Variants in TNFAIP2 observed in about 807,000 individuals in gnomAD.
The protein encoded by TNFAIP2 is tumor necrosis factor alpha-induced protein 2.
Under a neutral mutation model 63.5 loss-of-function variants are expected in TNFAIP2, and 47 were observed. That is an observed-to-expected ratio of 0.74 (90% confidence interval 0.59 to 0.94). The LOEUF (loss-of-function observed/expected upper bound fraction) is 0.94, where lower values mean the gene tolerates loss of function less well. TNFAIP2 is among the 40% of genes least tolerant of loss of function. The pLI, the probability that TNFAIP2 is intolerant of heterozygous loss-of-function variation, is 0.00. For missense variants in TNFAIP2, 787 were observed against 850.2 expected, an observed-to-expected ratio of 0.93 and a Z score of 0.92; for synonymous variants, 405 against 390.2, an observed-to-expected ratio of 1.04 and a Z score of -0.45.
rs11358000 is a variant in TNFAIP2, at chr14:103,136,520, CTTTTT to C, written c.*1174_*1178del. On this transcript the variant is annotated 3_prime_UTR_variant, in exon 12 of 12. Coordinates refer to ENST00000560869, the MANE Select transcript of TNFAIP2 (RefSeq NM_006291.4). The stretch of plus-strand genomic sequence containing the variant: ...TCCCCTCTCCTGCCTCCCTCCACCA[CTTTTT>C]TTTTTTTTTTTTTGAGACAGGGTCT... The C allele has an allele frequency of 2.5e-5, 3 of 120,912 alleles. No homozygotes were observed. The highest frequency in any genetic ancestry group is 3.5e-5 in the Non-Finnish European group (2 of 57,246). The allele number at this position is 120,912 out of a possible 1,614,324, so 7.5% of individuals were successfully genotyped here. A position where few individuals can be genotyped will look rare whatever the true frequency, so the allele number is the denominator to read the frequency against.
At position 103,131,799 on chromosome 14, in the gene TNFAIP2, G is replaced by T. The variant is rs756920684; in HGVS notation, c.1422+37G>T. The T allele has an allele frequency of 1.3e-6, 2 of 1,593,056 alleles. No individual in the cohort carries two copies. Among genetic ancestry groups the T allele is most frequent in the East Asian group, 4.5e-5 (2 of 44,374 alleles). Reference sequence around the variant, plus strand: ...CTCTTGCCCTCAGGAGCCCAGTGTTGGGGGGTTCCCAGGGAGGGACTGGGA... The same window carrying T: ...CTCTTGCCCTCAGGAGCCCAGTGTTTGGGGGTTCCCAGGGAGGGACTGGGA... On this transcript the variant is annotated intron_variant, in intron 8 of 11. Coordinates refer to ENST00000560869, the MANE Select transcript of TNFAIP2 (RefSeq NM_006291.4). This position sits in a 1 kb window ranked among gnomAD's most constrained non-coding sequence, Gnocchi z 4.0.
In TNFAIP2 at chr14:103,136,078, C is replaced by T. The variant is rs1595291177; in HGVS notation, c.*718C>T. ...GGGCTTGGTGTCTACTACCGAAGGG[C>T]CCAAGACCTCCTGGGTCCTCTCAGG... On this transcript the variant is annotated 3_prime_UTR_variant, in exon 12 of 12. Coordinates refer to ENST00000560869, the MANE Select transcript of TNFAIP2 (RefSeq NM_006291.4). 1 of 1,178,744 alleles carries T rather than the reference C, an allele frequency of 8.5e-7. No individual in the cohort carries two copies. The highest frequency in any genetic ancestry group is 5.8e-5 in the East Asian group (1 of 17,170). The allele number at this position is 1,178,744 out of a possible 1,614,324, so 73.0% of individuals were successfully genotyped here.
chr14:103,134,369 A>G (rs1363305237), intron 11 of TNFAIP2, among the ~76,000 whole-genome samples: 3 of 152,076 alleles, frequency 2.0e-5, no homozygotes, highest in Admixed American at 2.0e-4. Context: ...CACCCACCAT[A>G]CAAGCACCCA....
chr14:103,133,237 C>T, intron 9 of TNFAIP2, 125 bp from the exon 10 acceptor site: 1 of 1,234,728 alleles, frequency 8.1e-7, no homozygotes, highest in Non-Finnish European at 1.1e-6. Flanking sequence ...GACGCACGAG[C>T]ACGTGTGCAG....
rs537776435 is a variant in TNFAIP2, at chr14:103,127,821, G to T, written c.860+192G>T. On this transcript the variant is annotated intron_variant, in intron 3 of 11. Transcript: ENST00000560869. This position sits in a 1 kb window ranked among gnomAD's most constrained non-coding sequence, Gnocchi z 5.1. ...CCTGGACAGGCAGAGACTGGGCCTG[G>T]ACACAGGGATAAGGCTGGGGCTGGG... Among the ~76,000 whole-genome samples, 3 of 152,220 alleles carry T rather than the reference G, an allele frequency of 2.0e-5. No homozygotes were observed. The highest frequency in any genetic ancestry group is 4.4e-5 in the Non-Finnish European group (3 of 68,030).
At position 103,135,716 on chromosome 14, in the gene TNFAIP2, G is replaced by A. The variant is rs987372888; in HGVS notation, c.*356G>A. ...CTCTGTCCAGAGCCCCTCCACAGTC[G>A]GCCTCATGACTGTCCTCCTCGTGGG... is the stretch of plus-strand genomic sequence containing the variant. On this transcript the variant is annotated 3_prime_UTR_variant, in exon 12 of 12. Transcript: ENST00000560869. This position sits in a 1 kb window ranked among gnomAD's most constrained non-coding sequence, Gnocchi z 7.6. 17 of 1,245,814 alleles carry A rather than the reference G, an allele frequency of 1.4e-5. No individual in the cohort carries two copies. Among genetic ancestry groups the A allele is most frequent in the African/African-American group, 1.5e-5 (1 of 64,686 alleles). The allele number at this position is 1,245,814 out of a possible 1,614,324, so 77.2% of individuals were successfully genotyped here.
rs1315315015 is a variant in TNFAIP2, at chr14:103,126,305, C to T, written c.-148-5C>T. 12 of 617,714 alleles carry T rather than the reference C, an allele frequency of 1.9e-5. No homozygotes were observed. In the East Asian group the frequency reaches 2.0e-4, roughly 10 times the overall value. The allele number at this position is 617,714 out of a possible 1,614,324, so 38.3% of individuals were successfully genotyped here. Reference sequence around the variant, plus strand: ...ACCACTGATGCCTTCACCCCCACCCCGCAGGAGCCTGCAGGCCTGAACCAG... The same window carrying T: ...ACCACTGATGCCTTCACCCCCACCCTGCAGGAGCCTGCAGGCCTGAACCAG... On this transcript the variant is annotated splice_region_variant and splice_polypyrimidine_tract_variant and intron_variant, in intron 1 of 11. Coordinates refer to ENST00000560869, the MANE Select transcript of TNFAIP2 (RefSeq NM_006291.4).
intron 2 of TNFAIP2, 66 bp from the exon 3 acceptor site, chr14:103,126,939 G>T: frequency 3.8e-6 from 5 of 1,318,286 alleles, no homozygotes; most frequent in Non-Finnish European, 4.8e-6. Context: ...GTCCCGCTTG[G>T]CGCTGGCCGC....
chr14:103,135,096 G>A lies in TNFAIP2; in HGVS notation c.1824-123G>A. The A allele has an allele frequency of 8.2e-7, 1 of 1,223,908 alleles. No individual in the cohort carries two copies. The highest frequency in any genetic ancestry group is 1.5e-5 in the African/African-American group (1 of 67,510). The allele number at this position is 1,223,908 out of a possible 1,614,324, so 75.8% of individuals were successfully genotyped here. On this transcript the variant is annotated intron_variant, in intron 11 of 11. Transcript: ENST00000560869. The surrounding 1 kb of genome is among the most constrained non-coding windows in gnomAD (Gnocchi z 7.6). Reference sequence around the variant, plus strand: ...GAGGGCATGGGTGAGGGAGAGTGAAGTGCAGCCCCCTCGTGGGCCGGGCGT... The same window carrying A: ...GAGGGCATGGGTGAGGGAGAGTGAAATGCAGCCCCCTCGTGGGCCGGGCGT...
At chr14:103,122,079 C>T (rs926126329), upstream of TNFAIP2, among the ~76,000 whole-genome samples, 2 of 152,142 alleles carry the variant, frequency 1.3e-5, no homozygotes, top group Admixed American at 6.5e-5. Context: ...GACACCGCGG[C>T]TCTGTGGACT....
At chr14:103,123,994 G>C (rs1243687828) in intron 1 of TNFAIP2, 43 bp downstream of exon 1, 2 of 152,568 alleles carry the variant, frequency 1.3e-5, no homozygotes, top group African/African-American at 4.8e-5. Flanking sequence ...GAGGCTGGGG[G>C]GCGCTGTTGA....
chr14:103,131,981 TGAGAGGG>T lies in TNFAIP2; in HGVS notation c.1422+221_1422+227del. On this transcript the variant is annotated intron_variant, in intron 8 of 11. Coordinates refer to ENST00000560869, the MANE Select transcript of TNFAIP2 (RefSeq NM_006291.4). The surrounding 1 kb of genome is among the most constrained non-coding windows in gnomAD (Gnocchi z 4.0). The stretch of plus-strand genomic sequence containing the variant: ...GCCGATCATGTCCTGGGGTTTCACC[TGAGAGGG>T]GCCGCCTGGGGCTGGGAGGGGCCGC... Among the ~76,000 whole-genome samples, 1 of 151,078 alleles carries T rather than the reference TGAGAGGG, an allele frequency of 6.6e-6. No homozygotes were observed. Among genetic ancestry groups the T allele is most frequent in the Admixed American group, 6.6e-5 (1 of 15,140 alleles).
intron 3 of TNFAIP2, among the ~76,000 whole-genome samples, chr14:103,128,241 C>CA (rs1363051832): frequency 6.6e-6 from 1 of 152,204 alleles, no homozygotes; most frequent in Non-Finnish European, 1.5e-5. Context: ...GCGGGCACCC[C>CA]CAGGCAGGAG....
In TNFAIP2 at chr14:103,129,785, G is replaced by A; in HGVS notation, c.906G>A (p.Met302Ile). The change falls in exon 4 of 12, where the codon ATG (methionine) becomes ATA (isoleucine). Residue 302 changes from methionine to isoleucine, a missense_variant. By Grantham distance (10) the Met-to-Ile change is conservative. Around this residue, in one of 3 missense-constraint regions of TNFAIP2, gnomAD observed 523 missense variants for 604.1 expected, o/e 0.87. Coordinates refer to ENST00000560869, the MANE Select transcript of TNFAIP2 (RefSeq NM_006291.4). ...SPKLVGELQGMGLGSLLPPRQ... is the reference protein window; with the variant it reads ...SPKLVGELQGIGLGSLLPPRQ... ...AGCTGGTGGGTGAGCTGCAGGGTATGGGGCTCGGGAGCCTCCTGCCCCCCA... is the reference window on the plus strand; with the variant it reads ...AGCTGGTGGGTGAGCTGCAGGGTATAGGGCTCGGGAGCCTCCTGCCCCCCA... 6.2e-7 allele frequency: 1 copy of A among 1,614,026 alleles called. No individual in the cohort carries two copies. The highest frequency in any genetic ancestry group is 8.5e-7 in the Non-Finnish European group (1 of 1,179,950).
At position 103,131,687 on chromosome 14, in the gene TNFAIP2, CCTG is replaced by C. The variant is rs761694831; in HGVS notation, c.1351_1353del (p.Leu451del). 6.2e-7 allele frequency: 1 copy of C among 1,608,422 alleles called. No homozygotes were observed. Among genetic ancestry groups the C allele is most frequent in the Admixed American group, 1.7e-5 (1 of 59,944 alleles). On this transcript the variant is annotated inframe_deletion, in exon 8 of 12. Coordinates refer to ENST00000560869, the MANE Select transcript of TNFAIP2 (RefSeq NM_006291.4). The surrounding 1 kb of genome is among the most constrained non-coding windows in gnomAD (Gnocchi z 4.0). Reference sequence around the variant, plus strand: ...AGGTACCCCAGGACACCCTGAGCCTCCTGCTGGGCCCCCTGGGTGAGCTCAAGA... The same window carrying C: ...AGGTACCCCAGGACACCCTGAGCCTCCTGGGCCCCCTGGGTGAGCTCAAGA...
Position 103,125,800 on chromosome 14 carries a change from G to A in TNFAIP2, c.-148-510G>A, listed in dbSNP as rs556401287. ...GATCAGAACTGGACAAGATGGCAGA[G>A]GGGCTGGGTCTGGGCAGGAGGAGGC... On this transcript the variant is annotated intron_variant, in intron 1 of 11. Transcript: ENST00000560869. Among the ~76,000 whole-genome samples the A allele has an allele frequency of 4.6e-5, 7 of 152,340 alleles. No homozygotes were observed. In the East Asian group the frequency reaches 1.3e-3, roughly 29 times the overall value.
chr14:103,121,803 G>T (rs534773111), upstream of TNFAIP2, among the ~76,000 whole-genome samples: 1 of 152,132 alleles, frequency 6.6e-6, no homozygotes. Context: ...GGGGACAGTG[G>T]GGCCTAAGGC....
intron 3 of TNFAIP2, among the ~76,000 whole-genome samples, chr14:103,128,493 C>T (rs995779781): frequency 6.6e-6 from 1 of 152,102 alleles, no homozygotes; most frequent in Non-Finnish European, 1.5e-5. Context: ...GCGGGGGAGT[C>T]CAGGGGCTGT....
intron 2 of TNFAIP2, 64 bp downstream of exon 2, chr14:103,126,756 G>T (rs1261283213): frequency 7.4e-6 from 11 of 1,483,672 alleles, no homozygotes; most frequent in African/African-American, 2.8e-5. Flanking sequence ...TCATCCGCGT[G>T]AGTGAGCCAC....
Sources: gnomAD v4.1 joint callset for allele counts (sites outside exome capture counted in the v4.1 genomes callset) on GRCh38, gnomAD v4.1.1 for gene constraint, gnomAD v4.1.1 regional missense constraint, Gnocchi (gnomAD v3.1) non-coding constraint, MANE v1.5 for transcripts, NCBI Gene and HGNC (gene_info 2026-07-23, HGNC 2026-07-21) for gene names.